Variants in LRRC27 observed in about 807,000 individuals in gnomAD.
LRRC27 encodes the protein leucine-rich repeat-containing protein 27.
A neutral mutation model predicts 55.0 loss-of-function variants in LRRC27; 57 were observed. The observed-to-expected ratio is 1.04, with a 90% CI of 0.84 to 1.29. LRRC27 has a LOEUF of 1.29. LRRC27 is among the 50% of genes most tolerant of loss of function. The pLI, the probability that LRRC27 is intolerant of heterozygous loss-of-function variation, is 0.00. For missense variants in LRRC27, 721 were observed against 651.5 expected (o/e 1.11, Z -1.16); for synonymous variants, 278 against 251.9 (o/e 1.10, Z -0.98).
chr10:132,351,563 A>G (rs2068011511), intron 6 of LRRC27, 44 bp from the exon 7 acceptor site: 1 of 1,593,782 alleles, frequency 6.3e-7, no homozygotes, highest in Non-Finnish European at 8.6e-7. Context: ...TTACCGTCAC[A>G]GGGTTTTGTT....
At chr10:132,337,729 A>G (rs1206627842) in intron 3 of LRRC27, 34 bp downstream of exon 3, 3 of 1,609,874 alleles carry the variant, frequency 1.9e-6, no homozygotes, top group Non-Finnish European at 2.5e-6. Flanking sequence ...TTTAAAAATC[A>G]TCTTTTCAGT....
chr10:132,356,106 C>T (rs2132994361), intron 8 of LRRC27, among the ~76,000 whole-genome samples: 1 of 152,314 alleles, frequency 6.6e-6, no homozygotes, highest in African/African-American at 2.4e-5. Flanking sequence ...CATCCAGAAC[C>T]ATTGCTCACT....
upstream of LRRC27, among the ~76,000 whole-genome samples, chr10:132,330,924 C>T (rs184685791): frequency 2.5e-3 from 372 of 151,014 alleles, 4 homozygotes; most frequent in African/African-American, 8.7e-3. Flanking sequence ...GGAATCAGGC[C>T]GGGCACGGTG....
intron 10 of LRRC27, among the ~76,000 whole-genome samples, chr10:132,371,445 C>T (rs144176532): frequency 8.5e-5 from 13 of 152,328 alleles, no homozygotes; most frequent in South Asian, 2.1e-4. Flanking sequence ...CAGGTCAACG[C>T]GGCCCATTCT....
At position 132,375,191 on chromosome 10, in the gene LRRC27, A is replaced by AT; in HGVS notation, c.1548dup (p.Asn517Ter). 2.5e-6 allele frequency: 4 copies of AT among 1,614,038 alleles called. No individual in the cohort carries two copies. The highest frequency in any genetic ancestry group is 2.2e-5 in the East Asian group (1 of 44,878). On this transcript the variant is annotated frameshift_variant, in exon 11 of 11. Transcript: ENST00000368614. LOFTEE classifies it low-confidence loss of function (END_TRUNC). ...TGCCGGCAGCACAGCCTCAAAATACATTTTTTAACACAAAATATGGAGAAT... is the reference window on the plus strand; with the variant it reads ...TGCCGGCAGCACAGCCTCAAAATACATTTTTTTAACACAAAATATGGAGAAT...
chr10:132,342,337 T>C (rs2067455245), intron 4 of LRRC27, 66 bp downstream of exon 4: 1 of 1,048,624 alleles, frequency 9.5e-7, no homozygotes, highest in Non-Finnish European at 1.4e-6. Context: ...GACCTTGTAA[T>C]GGAAGTATCA....
At chr10:132,330,328 G>T, upstream of LRRC27, 1 of 658,758 alleles carries the variant, frequency 1.5e-6, no homozygotes, top group Non-Finnish European at 2.9e-6. Context: ...AGAGATACTG[G>T]AATGCTGAAA....
chr10:132,367,694 T>C (rs1429814783), intron 10 of LRRC27, among the ~76,000 whole-genome samples: 1 of 152,210 alleles, frequency 6.6e-6, no homozygotes, highest in Non-Finnish European at 1.5e-5. Flanking sequence ...CAAACTAGGA[T>C]AAGCTGAGAA....
intron 8 of LRRC27, among the ~76,000 whole-genome samples, chr10:132,359,634 CTGTG>C (rs768844680): frequency 3.3e-5 from 5 of 152,278 alleles, no homozygotes; most frequent in African/African-American, 9.6e-5. Flanking sequence ...TGATCCGTCA[CTGTG>C]TGGTCACACC....
At position 132,380,529 on chromosome 10, in the gene LRRC27, C is replaced by A. The variant is rs144083170; in HGVS notation, c.*5287C>A. Among the ~76,000 whole-genome samples the A allele has an allele frequency of 6.0e-4, 91 of 152,206 alleles. No individual in the cohort carries two copies. In the East Asian group the frequency reaches 0.017, roughly 28 times the overall value. ...TCTGTTTTAACTGGACATGGTGGCA[C>A]ACGCCTGCAGTCCCAGCTACTCAGG... On this transcript the variant is annotated 3_prime_UTR_variant, in exon 11 of 11. Transcript: ENST00000368614.
intron 10 of LRRC27, chr10:132,366,766 A>G: frequency 9.2e-7 from 1 of 1,090,896 alleles, no homozygotes; most frequent in Non-Finnish European, 1.2e-6. Context: ...ACGGGGGAGG[A>G]AGCAACCCTG....
Position 132,379,272 on chromosome 10 carries a change from C to G in LRRC27, c.*4030C>G, listed in dbSNP as rs1050826818. On this transcript the variant is annotated 3_prime_UTR_variant, in exon 11 of 11. Transcript: ENST00000368614. ...ATCCTGCTCCTCTCCAGAGTTTCCT[C>G]TCACCTCCGTGTTCTCAGGGAGTGC... 6.9e-6 allele frequency: 1 copy of G among 144,102 alleles called. No individual in the cohort carries two copies. Among genetic ancestry groups the G allele is most frequent in the Admixed American group, 7.0e-5 (1 of 14,316 alleles). The allele number at this position is 144,102 out of a possible 1,614,324, so 8.9% of individuals were successfully genotyped here.
At chr10:132,330,971 G>A (rs930798497), upstream of LRRC27, among the ~76,000 whole-genome samples, 2 of 151,270 alleles carry the variant, frequency 1.3e-5, no homozygotes, top group Admixed American at 6.6e-5. Flanking sequence ...GGGAGGCCGA[G>A]GGGGGCGGAT....
intron 10 of LRRC27, among the ~76,000 whole-genome samples, chr10:132,367,959 C>T (rs889360902): frequency 6.6e-6 from 1 of 152,030 alleles, no homozygotes; most frequent in Non-Finnish European, 1.5e-5. Flanking sequence ...TAGGAAATCC[C>T]AAAGAATTGA....
At chr10:132,364,094 G>C (rs552310347) in intron 9 of LRRC27, among the ~76,000 whole-genome samples, 147 of 152,102 alleles carry the variant, frequency 9.7e-4, no homozygotes, top group Non-Finnish European at 5.6e-4. Flanking sequence ...CACAGTAAAA[G>C]CTGGAGTCTG....
At chr10:132,352,081 C>T (rs1184202114) in intron 7 of LRRC27, among the ~76,000 whole-genome samples, 1 of 66,020 alleles carries the variant, frequency 1.5e-5, no homozygotes, top group African/African-American at 5.3e-5. Context: ...GCAGGTGCAG[C>T]GCTCCGTGTG....
chr10:132,347,959 C>T (rs752064541), intron 5 of LRRC27, 25 bp from the exon 6 acceptor site: 79 of 1,567,240 alleles, frequency 5.0e-5, no homozygotes, highest in Admixed American at 4.9e-4. Context: ...ATGGTAGCTA[C>T]TAAAGCGGTT....
chr10:132,355,846 A>T lies in LRRC27; in HGVS notation c.1130A>T (p.Lys377Met). Residue 377 changes from lysine (K) to methionine (M), a missense_variant, in exon 8 of 11, where the codon AAG becomes ATG. By Grantham distance (95) the Lys-to-Met change is moderately conservative. Coordinates refer to ENST00000368614, the MANE Select transcript of LRRC27 (RefSeq NM_030626.3). ...RERAQRMRKRKEELSKLLPPR... is the reference protein window; with the variant it reads ...RERAQRMRKRMEELSKLLPPR... ...CGAGCCCAGAGGATGAGGAAGAGGA[A>T]GGAAGAGCTCAGCAAACTCCTGCCT... The T allele has an allele frequency of 6.4e-7, 1 of 1,558,896 alleles. No homozygotes were observed. The highest frequency in any genetic ancestry group is 1.2e-5 in the South Asian group (1 of 84,528).
intron 8 of LRRC27, 102 bp downstream of exon 8, chr10:132,355,988 G>T (rs1048397237): frequency 5.2e-6 from 4 of 766,194 alleles, no homozygotes; most frequent in Non-Finnish European, 8.7e-6. Flanking sequence ...AGACCTGGGG[G>T]TGTGGGTGGG....
Sources: allele counts gnomAD v4.1 joint callset (sites outside exome capture counted in the v4.1 genomes callset), GRCh38; gene constraint gnomAD v4.1.1; transcripts MANE v1.5; gene names NCBI Gene and HGNC (gene_info 2026-07-23, HGNC 2026-07-21).